Variants in TSC22D3 observed in about 807,000 individuals in gnomAD.
TSC22D3 encodes the protein TSC22 domain family protein 3.
In TSC22D3, 4 loss-of-function variants were observed where a neutral mutation model predicts 11.1. That is an observed-to-expected ratio of 0.36 (90% CI 0.18 to 0.83). The LOEUF (loss-of-function observed/expected upper bound fraction) is 0.83, where lower values mean the gene tolerates loss of function less well. Ranked by LOEUF, TSC22D3 falls within the 40% of genes least tolerant of loss-of-function variation. The pLI is 0.48. For missense variants in TSC22D3, 118 were observed against 159.4 expected (o/e 0.74, Z 1.40); for synonymous variants, 77 against 70.3 (o/e 1.10, Z -0.48).
At chrX:107,751,553 T>C (rs1204710475) in intron 1 of TSC22D3, among the ~76,000 whole-genome samples, 2 of 112,315 alleles carry the variant, frequency 1.8e-5, no homozygotes, top group Non-Finnish European at 3.8e-5. Flanking sequence ...CTCATGCTTG[T>C]GTTCTCAAAT....
intron 1 of TSC22D3, among the ~76,000 whole-genome samples, chrX:107,746,979 C>G (rs1462135956): frequency 1.8e-5 from 2 of 112,842 alleles, no homozygotes; most frequent in Non-Finnish European, 3.8e-5. Flanking sequence ...AGACAAGACA[C>G]CAGTGGTAAC....
intron 1 of TSC22D3, chrX:107,716,521 G>C: frequency 4.9e-6 from 5 of 1,020,642 alleles, no homozygotes; most frequent in Non-Finnish European, 6.2e-6. Context: ...ATCCCAGAGC[G>C]GCGGTGACCC....
chrX:107,720,583 C>T (rs1427657918), intron 1 of TSC22D3, among the ~76,000 whole-genome samples: 1 of 111,341 alleles, frequency 9.0e-6, no homozygotes, highest in Non-Finnish European at 1.9e-5. Flanking sequence ...ATCCCAGCTA[C>T]TCGGGAGGCT....
chrX:107,761,191 C>T (rs1193439525), intron 1 of TSC22D3, among the ~76,000 whole-genome samples: 1 of 112,543 alleles, frequency 8.9e-6, no homozygotes. Flanking sequence ...ACGCAAAGCG[C>T]CTGTGCTTCA....
chrX:107,772,857 AAAAT>A (rs1929965393), intron 1 of TSC22D3, among the ~76,000 whole-genome samples: 1 of 111,395 alleles, frequency 9.0e-6, no homozygotes. Context: ...TCTCAGGAAA[AAAAT>A]AAATAAATAA....
At chrX:107,718,630 G>A (rs932315147) in intron 1 of TSC22D3, among the ~76,000 whole-genome samples, 1 of 113,106 alleles carries the variant, frequency 8.8e-6, no homozygotes, top group Non-Finnish European at 1.9e-5. Flanking sequence ...CCACTGAACA[G>A]CCAACATTTT....
At chrX:107,727,086 G>A (rs983795122) in intron 1 of TSC22D3, among the ~76,000 whole-genome samples, 2 of 111,539 alleles carry the variant, frequency 1.8e-5, no homozygotes, top group Non-Finnish European at 3.8e-5. Context: ...GACTCAGCAC[G>A]ATTGGGAGAT....
chrX:107,721,941 C>G, intron 1 of TSC22D3: 1 of 493,912 alleles, frequency 2.0e-6, no homozygotes, highest in Admixed American at 2.8e-5. Flanking sequence ...CGCTTATCTT[C>G]TCTCTTCCCT....
intron 1 of TSC22D3, among the ~76,000 whole-genome samples, chrX:107,753,318 A>C (rs1320723971): frequency 1.8e-5 from 2 of 111,394 alleles, no homozygotes; most frequent in Non-Finnish European, 3.8e-5. Context: ...TGACTATGAT[A>C]GGTAGCAGTG....
At chrX:107,754,831 A>AT (rs1170924332) in intron 1 of TSC22D3, among the ~76,000 whole-genome samples, 3 of 111,888 alleles carry the variant, frequency 2.7e-5, no homozygotes, top group Admixed American at 9.5e-5. Flanking sequence ...GAGATTGCAA[A>AT]TTTTTTTTCG....
chrX:107,721,049 A>G (rs984603138), intron 1 of TSC22D3, among the ~76,000 whole-genome samples: 1 of 111,974 alleles, frequency 8.9e-6, no homozygotes, highest in Non-Finnish European at 1.9e-5. Context: ...ACAACTCACA[A>G]TGTAGGCTGG....
intron 1 of TSC22D3, among the ~76,000 whole-genome samples, chrX:107,733,797 A>G (rs980743895): frequency 1.8e-5 from 2 of 111,375 alleles, no homozygotes; most frequent in African/African-American, 6.5e-5. Flanking sequence ...CCAAAAACAC[A>G]CCATTGTTTG....
At chrX:107,720,652 C>T (rs1422702417) in intron 1 of TSC22D3, among the ~76,000 whole-genome samples, 1 of 110,330 alleles carries the variant, frequency 9.1e-6, no homozygotes, top group Admixed American at 9.6e-5. Context: ...GAGATCGTGG[C>T]ATTGCACTCC....
intron 1 of TSC22D3, among the ~76,000 whole-genome samples, chrX:107,742,330 C>T (rs987500166): frequency 1.4e-5 from 1 of 69,994 alleles, no homozygotes; most frequent in Non-Finnish European, 2.6e-5. Context: ...TGTGTGTGCG[C>T]GCGCGCGCGG....
At chrX:107,753,363 T>C (rs1461524998) in intron 1 of TSC22D3, among the ~76,000 whole-genome samples, 2 of 110,961 alleles carry the variant, frequency 1.8e-5, no homozygotes, top group East Asian at 5.7e-4. Context: ...CTGGGAGTCA[T>C]TTCTCAGCTC....
At chrX:107,772,115 A>G (rs969094399) in intron 1 of TSC22D3, among the ~76,000 whole-genome samples, 6 of 112,150 alleles carry the variant, frequency 5.3e-5, no homozygotes, top group African/African-American at 1.9e-4. Flanking sequence ...AAGGAAACCA[A>G]GAACGAAGCT....
At chrX:107,761,185 A>G (rs991681974) in intron 1 of TSC22D3, among the ~76,000 whole-genome samples, 1 of 112,535 alleles carries the variant, frequency 8.9e-6, no homozygotes, top group Non-Finnish European at 1.9e-5. Context: ...TATTAGACGC[A>G]AAGCGCCTGT....
chrX:107,745,102 C>G (rs1928593405), intron 1 of TSC22D3, among the ~76,000 whole-genome samples: 1 of 112,092 alleles, frequency 8.9e-6, no homozygotes, highest in South Asian at 3.7e-4. Context: ...GAGGGCCACC[C>G]AAAGCCAGCA....
chrX:107,775,120 G>A lies in TSC22D3; in HGVS notation c.300C>T (p.Ser100=). The change falls in exon 1 of 3, where the codon TCC becomes TCT. Residue 100 remains serine (S), a synonymous_variant. Transcript: ENST00000372383. ...CNRNIDQTML[S]ILLFFHSASG... Reference sequence around the variant, plus strand: ...CCCACCTGTGGAAGAAGAGCAGGATGGAGAGCATGGTCTGGTCGATGTTGC... The same window carrying A: ...CCCACCTGTGGAAGAAGAGCAGGATAGAGAGCATGGTCTGGTCGATGTTGC... 1 of 1,211,858 alleles carries A rather than the reference G, an allele frequency of 8.3e-7. No individual in the cohort carries two copies.
Sources: gnomAD v4.1 joint callset for allele counts (sites outside exome capture counted in the v4.1 genomes callset) on GRCh38, gnomAD v4.1.1 for gene constraint, MANE v1.5 for transcripts, NCBI Gene and HGNC (gene_info 2026-07-23, HGNC 2026-07-21) for gene names.